Variants in DTL observed in about 807,000 individuals in gnomAD.
The protein encoded by DTL is denticleless E3 ubiquitin protein ligase adapter.
In DTL, 46 loss-of-function variants were observed where a neutral mutation model predicts 87.0. That is an observed-to-expected ratio of 0.53 (90% CI 0.42 to 0.68). The LOEUF (loss-of-function observed/expected upper bound fraction) is 0.68. DTL is among the 30% of genes least tolerant of loss of function. The pLI is 0.00. For synonymous variants in DTL, 308 were observed against 311.2 expected (o/e 0.99, Z 0.11); for missense variants, 737 against 869.4 (o/e 0.85, Z 1.91).
chr1:212,083,783 G>T (rs561531231), intron 13 of DTL, among the ~76,000 whole-genome samples: 1 of 152,206 alleles, frequency 6.6e-6, no homozygotes, highest in South Asian at 2.1e-4. Flanking sequence ...GATCCTCAGG[G>T]TATCATTAGA....
intron 7 of DTL, among the ~76,000 whole-genome samples, chr1:212,065,582 ATAG>A (rs761125355): frequency 2.6e-4 from 39 of 152,104 alleles, no homozygotes; most frequent in Non-Finnish European, 2.1e-4. Flanking sequence ...ACACACCCCT[ATAG>A]TATAGTGGAA....
Position 212,062,884 on chromosome 1 carries a change from C to T in DTL, c.461C>T (p.Ala154Val). 1 of 1,612,518 alleles carries T rather than the reference C, an allele frequency of 6.2e-7. No homozygotes were observed. The highest frequency in any genetic ancestry group is 8.5e-7 in the Non-Finnish European group (1 of 1,178,610). The change falls in exon 6 of 15, where the codon GCT (alanine) becomes GTT (valine). Residue 154 changes from alanine to valine, a missense_variant and splice_region_variant. Ala to Val is a moderately conservative substitution (Grantham distance 64). Transcript: ENST00000366991. The part of the protein sequence containing the change: ...KSVAFSKFEK[A>V]VFCTGGRDGN... ...TAATAATCTGTTTATTTCCCCACAG[C>T]TGTATTCTGTACGGGTGGAAGAGAT...
chr1:212,075,277 T>C (rs1654795431), intron 11 of DTL, among the ~76,000 whole-genome samples: 1 of 152,224 alleles, frequency 6.6e-6, no homozygotes, highest in African/African-American at 2.4e-5. Flanking sequence ...GGTACCTTCT[T>C]AGTTCTAGGA....
chr1:212,092,997 T>A (rs2102580771), intron 13 of DTL, among the ~76,000 whole-genome samples: 1 of 152,336 alleles, frequency 6.6e-6, no homozygotes, highest in East Asian at 1.9e-4. Flanking sequence ...TTATTAGTGA[T>A]GTTGAGCATT....
At position 212,100,589 on chromosome 1, in the gene DTL, T is replaced by G. The variant is rs1167668791; in HGVS notation, c.1599T>G (p.Pro533=). Residue 533 remains proline (P), a synonymous_variant, in exon 14 of 15, where the codon CCT becomes CCG. Transcript: ENST00000366991. Reference sequence around the variant, plus strand: ...TGTCTCCGAGAAAAGCCCTTATTCCTGTGAGCCAGAAGTCATCCCAAGCAG... The same window carrying G: ...TGTCTCCGAGAAAAGCCCTTATTCCGGTGAGCCAGAAGTCATCCCAAGCAG... ...KIMSPRKALI[P]VSQKSSQAEA... The G allele has an allele frequency of 1.2e-6, 2 of 1,614,038 alleles. No individual in the cohort carries two copies. The highest frequency in any genetic ancestry group is 2.2e-5 in the South Asian group (2 of 91,068).
chr1:212,076,903 A>T (rs1654847430), intron 11 of DTL, among the ~76,000 whole-genome samples: 1 of 152,146 alleles, frequency 6.6e-6, no homozygotes, highest in South Asian at 2.1e-4. Flanking sequence ...ATTTTAATTA[A>T]CTCTGCAAGA....
At position 212,067,929 on chromosome 1, in the gene DTL, G is replaced by A. The variant is rs141496253; in HGVS notation, c.714-295G>A. On this transcript the variant is annotated intron_variant, in intron 8 of 14. Transcript: ENST00000366991. ...AGGAAGTGTATTTTCTAAAAACAAT[G>A]GAACAATTACTATCGGCACTCAACC... 3.4e-3 allele frequency among the ~76,000 whole-genome samples: 517 copies of A among 152,224 alleles called. 6 individuals are homozygous for A. The highest frequency in any genetic ancestry group is 0.011 in the African/African-American group (474 of 41,536).
chr1:212,059,779 C>CAAAAAAAAA (rs58890148), intron 5 of DTL, among the ~76,000 whole-genome samples: 1 of 80,222 alleles, frequency 1.2e-5, no homozygotes, highest in Non-Finnish European at 2.5e-5. Flanking sequence ...AAAGACTCTA[C>CAAAAAAAAA]AAAAAAAAAA....
chr1:212,079,448 T>G (rs1654930716), intron 12 of DTL, among the ~76,000 whole-genome samples: 1 of 152,162 alleles, frequency 6.6e-6, no homozygotes, highest in Non-Finnish European at 1.5e-5. Context: ...CTTTTTTAAG[T>G]CTTAAAAATA....
chr1:212,099,382 C>T (rs1170544329), intron 13 of DTL: 1 of 152,390 alleles, frequency 6.6e-6, no homozygotes, highest in Admixed American at 6.5e-5. Flanking sequence ...TACAGGTGCA[C>T]ACCACCATGC....
At chr1:212,083,608 A>G (rs1655046031) in intron 13 of DTL, among the ~76,000 whole-genome samples, 1 of 152,212 alleles carries the variant, frequency 6.6e-6, no homozygotes, top group Non-Finnish European at 1.5e-5. Flanking sequence ...AGGAGAGTGA[A>G]AGGACAAGAT....
intron 5 of DTL, among the ~76,000 whole-genome samples, chr1:212,060,890 A>G (rs908960119): frequency 6.6e-6 from 1 of 152,324 alleles, no homozygotes; most frequent in Middle Eastern, 3.4e-3. Flanking sequence ...CACAGACAAC[A>G]AGAACAAATA....
At chr1:212,068,087 T>G (rs1654561326) in intron 8 of DTL, 137 bp from the exon 9 acceptor site, 2 of 574,956 alleles carry the variant, frequency 3.5e-6, no homozygotes, top group Middle Eastern at 4.4e-4. Flanking sequence ...TTAATTTGTT[T>G]CCCAATGAAA....
At chr1:212,091,485 C>G (rs568057065) in intron 13 of DTL, among the ~76,000 whole-genome samples, 2 of 152,098 alleles carry the variant, frequency 1.3e-5, no homozygotes, top group Non-Finnish European at 2.9e-5. Flanking sequence ...TATGTGGAAG[C>G]GATACCTGCA....
Position 212,068,316 on chromosome 1 carries a change from C to T in DTL, c.806C>T (p.Thr269Ile). The T allele has an allele frequency of 1.2e-6, 2 of 1,604,964 alleles. No homozygotes were observed. Among genetic ancestry groups the T allele is most frequent in the Non-Finnish European group, 1.7e-6 (2 of 1,177,072 alleles). The change falls in exon 9 of 15, where the codon ACT becomes ATT. Residue 269 changes from threonine to isoleucine, a missense_variant. Thr to Ile is a moderately conservative substitution (Grantham distance 89). Transcript: ENST00000366991. ...SKSFLYPGSS[T>I]RKLGYSSLIL... is the part of the protein sequence containing the mutation. ...TCTTTCCTGTACCCAGGTAGCAGCACTCGAAAACTTGGTAAGCCTTTAATA... is the reference window on the plus strand; with the variant it reads ...TCTTTCCTGTACCCAGGTAGCAGCATTCGAAAACTTGGTAAGCCTTTAATA...
chr1:212,091,621 G>T (rs1475735477), intron 13 of DTL, among the ~76,000 whole-genome samples: 1 of 152,134 alleles, frequency 6.6e-6, no homozygotes, highest in Non-Finnish European at 1.5e-5. Flanking sequence ...AAAGAAGAAA[G>T]TTAATGTCAT....
intron 13 of DTL, among the ~76,000 whole-genome samples, chr1:212,087,290 C>T (rs1010276073): frequency 6.6e-6 from 1 of 152,204 alleles, no homozygotes; most frequent in African/African-American, 2.4e-5. Flanking sequence ...TGGCTCACGC[C>T]TGTAATCCCA....
In DTL at chr1:212,104,290, AT is replaced by A. The variant is rs1475422804; in HGVS notation, c.*1352del. 1.8e-4 allele frequency: 5 copies of A among 28,274 alleles called. No homozygotes were observed. The highest frequency in any genetic ancestry group is 4.7e-4 in the African/African-American group (5 of 10,688). 1.8% of individuals were successfully genotyped at this position (28,274 alleles called of 1,614,324 possible). On this transcript the variant is annotated 3_prime_UTR_variant, in exon 15 of 15. Transcript: ENST00000366991. ...AGTTTTTGTCATTATTTGAAAATCTATTCTGACAACTTTTTAATTCCTTTGA... is the reference window on the plus strand; with the variant it reads ...AGTTTTTGTCATTATTTGAAAATCTATCTGACAACTTTTTAATTCCTTTGA...
rs553429019 is a variant in DTL at position 212,057,276 on chromosome 1, A to G, written c.461-5608A>G. On this transcript the variant is annotated intron_variant, in intron 5 of 14. Coordinates refer to ENST00000366991, the MANE Select transcript of DTL (RefSeq NM_016448.4). ...AAACATCTAGTCACCTATAAAAGAA[A>G]CCCCATCAGACCTAACAGCAGATTT... Among the ~76,000 whole-genome samples the G allele has an allele frequency of 2.6e-5, 4 of 151,850 alleles. No homozygotes were observed. In the South Asian group the frequency reaches 8.3e-4, roughly 31 times the overall value.
Sources: allele counts gnomAD v4.1 joint callset (sites outside exome capture counted in the v4.1 genomes callset), GRCh38; gene constraint gnomAD v4.1.1; transcripts MANE v1.5; gene names NCBI Gene and HGNC (gene_info 2026-07-23, HGNC 2026-07-21).